The following OR8B2 variants were observed in gnomAD, a reference collection of about 807,000 sequenced individuals.
OR8B2 encodes olfactory receptor 8B2.
For missense variants in OR8B2, 304 were observed against 379.6 expected (o/e 0.80, Z 1.65); for synonymous variants, 98 against 138.2 (o/e 0.71, Z 2.04).
At chr11:124,391,314 A>G in the OR8B2 span, among the ~76,000 whole-genome samples, 1 of 152,268 alleles carries the variant, frequency 6.6e-6, no homozygotes, top group Non-Finnish European at 1.5e-5. Flanking sequence ...CTAAAAATTA[A>G]TGAATCCAGG....
chr11:124,395,524 C>T, the OR8B2 span: 45 of 152,258 alleles, frequency 3.0e-4, no homozygotes, highest in Non-Finnish European at 5.6e-4. Context: ...TGACAAACCA[C>T]ATTGGATAAG....
upstream of OR8B2, among the ~76,000 whole-genome samples, chr11:124,385,641 T>C (rs1860687435): frequency 1.3e-5 from 2 of 151,420 alleles, no homozygotes; most frequent in Admixed American, 1.3e-4. Flanking sequence ...CTCTTTTTTT[T>C]TTTTTTAAAG....
upstream of OR8B2, among the ~76,000 whole-genome samples, chr11:124,387,446 G>A (rs1380770659): frequency 1.3e-5 from 2 of 151,924 alleles, no homozygotes; most frequent in African/African-American, 2.4e-5. Flanking sequence ...TAAGGTGTAA[G>A]GAAGGGATCC....
At chr11:124,386,568 C>T (rs1266013225), upstream of OR8B2, among the ~76,000 whole-genome samples, 1 of 150,780 alleles carries the variant, frequency 6.6e-6, no homozygotes, top group Admixed American at 6.6e-5. Flanking sequence ...TCATCCATGT[C>T]CCTACAAAGG....
At chr11:124,394,192 T>C in the OR8B2 span, among the ~76,000 whole-genome samples, 1 of 151,580 alleles carries the variant, frequency 6.6e-6, no homozygotes, top group African/African-American at 2.4e-5. Context: ...GCATGTCACA[T>C]GTATACATAT....
the OR8B2 span, chr11:124,396,859 T>G: frequency 6.2e-7 from 1 of 1,609,778 alleles, no homozygotes; most frequent in Non-Finnish European, 8.5e-7. Context: ...AAGGTGAGTC[T>G]AAGCATGCAC....
chr11:124,388,207 A>C (rs1297345574), upstream of OR8B2, among the ~76,000 whole-genome samples: 1 of 143,288 alleles, frequency 7.0e-6, no homozygotes, highest in African/African-American at 2.6e-5. Context: ...ATCTGCAAAC[A>C]GGGACAATTT....
the OR8B2 span, among the ~76,000 whole-genome samples, chr11:124,395,320 T>G: frequency 2.0e-5 from 3 of 152,006 alleles, no homozygotes; most frequent in Non-Finnish European, 4.4e-5. Flanking sequence ...TCAACAACTA[T>G]TTCTTGATTT....
In OR8B2 at chr11:124,382,499, G is replaced by A. The variant is rs767854295; in HGVS notation, c.845C>T (p.Pro282Leu). Reference sequence around the variant, plus strand: ...ACTGTAGATGAGGGGATTGAGCATGGGCACCACATTAGTGTAGAAAACAGA... The same window carrying A: ...ACTGTAGATGAGGGGATTGAGCATGAGCACCACATTAGTGTAGAAAACAGA... ...VSSVFYTNVVPMLNPLIYSLR... is the reference protein window; with the variant it reads ...VSSVFYTNVVLMLNPLIYSLR... Residue 282 changes from proline to leucine, a missense_variant, in exon 2 of 2, where the codon CCC (proline) becomes CTC (leucine). By Grantham distance (98) the Pro-to-Leu change is moderately conservative (BLOSUM62 -3). Transcript: ENST00000641451. The A allele has an allele frequency of 1.9e-6, 3 of 1,613,806 alleles. No homozygotes were observed. The highest frequency in any genetic ancestry group is 2.5e-6 in the Non-Finnish European group (3 of 1,179,982).
upstream of OR8B2, among the ~76,000 whole-genome samples, chr11:124,387,183 G>A (rs1317766895): frequency 6.6e-5 from 10 of 152,280 alleles, no homozygotes; most frequent in Admixed American, 2.0e-4. Flanking sequence ...AGTAGGTTGC[G>A]AAAATTTTCT....
chr11:124,391,975 T>C, the OR8B2 span, among the ~76,000 whole-genome samples: 4 of 123,132 alleles, frequency 3.2e-5, no homozygotes, highest in African/African-American at 7.3e-5. Flanking sequence ...AATCAATAAA[T>C]GTAATCCAGC....
At position 124,382,483 on chromosome 11, in the gene OR8B2, G is replaced by A; in HGVS notation, c.861C>T (p.Leu287=). The A allele has an allele frequency of 6.2e-7, 1 of 1,614,040 alleles. No individual in the cohort carries two copies. The highest frequency in any genetic ancestry group is 8.5e-7 in the Non-Finnish European group (1 of 1,179,974). The stretch of plus-strand genomic sequence containing the variant: ...CATCCTTGTTCCTCAAACTGTAGAT[G>A]AGGGGATTGAGCATGGGCACCACAT... ...YTNVVPMLNP[L]IYSLRNKDVK... is the part of the protein sequence containing the mutation. Residue 287 remains leucine (L), a synonymous_variant, in exon 2 of 2, where the codon CTC becomes CTT. Transcript: ENST00000641451.
the OR8B2 span, among the ~76,000 whole-genome samples, chr11:124,394,198 C>T: frequency 6.6e-6 from 1 of 151,130 alleles, no homozygotes; most frequent in East Asian, 2.0e-4. Flanking sequence ...CACATGTATA[C>T]ATATGTAACT....
At chr11:124,386,632 C>T, upstream of OR8B2, among the ~76,000 whole-genome samples, 1 of 151,536 alleles carries the variant, frequency 6.6e-6, no homozygotes, top group Non-Finnish European at 1.5e-5. Flanking sequence ...GTACACGTGC[C>T]ACATTTTCTT....
chr11:124,385,469 C>T (rs1302201844), upstream of OR8B2, among the ~76,000 whole-genome samples: 1 of 149,122 alleles, frequency 6.7e-6, no homozygotes, highest in African/African-American at 2.5e-5. Context: ...AAACTACAGA[C>T]CTTATTCAGC....
upstream of OR8B2, among the ~76,000 whole-genome samples, chr11:124,388,384 T>C (rs530269836): frequency 1.3e-5 from 2 of 152,262 alleles, no homozygotes; most frequent in South Asian, 4.2e-4. Context: ...CAGTATGATA[T>C]TGGCCGTGGG....
the OR8B2 span, among the ~76,000 whole-genome samples, chr11:124,393,924 CA>C: frequency 2.0e-5 from 3 of 150,582 alleles, no homozygotes; most frequent in Non-Finnish European, 4.4e-5. Context: ...ACTATGCAGC[CA>C]TAAAAAATGA....
At chr11:124,387,152 A>G (rs1436517076), upstream of OR8B2, among the ~76,000 whole-genome samples, 4 of 152,048 alleles carry the variant, frequency 2.6e-5, no homozygotes, top group Non-Finnish European at 4.4e-5. Context: ...TAGATTCTGG[A>G]TATTAGCCCT....
At position 124,382,395 on chromosome 11, in the gene OR8B2, C is replaced by T. The variant is rs781755789; in HGVS notation, c.*7G>A. On this transcript the variant is annotated 3_prime_UTR_variant, in exon 2 of 2. Coordinates refer to ENST00000641451, the MANE Select transcript of OR8B2 (RefSeq NM_001005468.2). ...CTTCAATTGTTTTACATCATTACTG[C>T]TTCTAATTAGAATATATTTCTCCTC... is the stretch of plus-strand genomic sequence containing the variant. 24 of 1,586,242 alleles carry T rather than the reference C, an allele frequency of 1.5e-5. No homozygotes were observed. In the Admixed American group the frequency reaches 1.9e-4, roughly 12 times the overall value.
Sources: allele counts gnomAD v4.1 joint callset (sites outside exome capture counted in the v4.1 genomes callset), GRCh38; gene constraint gnomAD v4.1.1; transcripts MANE v1.5; gene names NCBI Gene and HGNC (gene_info 2026-07-23, HGNC 2026-07-21).